The following CREB5 variants were observed in gnomAD, a reference collection of about 807,000 sequenced individuals.
CREB5 encodes cAMP responsive element binding protein 5.
A neutral mutation model predicts 57.1 loss-of-function variants in CREB5; 19 were observed. That is an observed-to-expected ratio of 0.33 (90% CI 0.23 to 0.49). The LOEUF (loss-of-function observed/expected upper bound fraction) is 0.49, where lower values mean the gene tolerates loss of function less well. Among genes scored for constraint, CREB5 ranks in the 20% least tolerant of loss-of-function variants. CREB5 has a pLI of 0.99. For synonymous variants in CREB5, 238 were observed against 238.3 expected, an observed-to-expected ratio of 1.00 and a Z score of 0.01; for missense variants, 579 against 671.6, an observed-to-expected ratio of 0.86 and a Z score of 1.52.
intron 7 of CREB5, among the ~76,000 whole-genome samples, chr7:28,798,831 A>G (rs909119350): frequency 5.9e-5 from 9 of 152,202 alleles, no homozygotes; most frequent in African/African-American, 1.9e-4. Context: ...GCTGAAAAAT[A>G]TATGTTTATT....
Position 28,560,909 on chromosome 7 carries a change from C to CGTGTGTGT in CREB5, c.292-9451_292-9450insTGTGTGTG, listed in dbSNP as rs1268332483. On this transcript the variant is annotated intron_variant, in intron 4 of 10. Coordinates refer to ENST00000357727, the MANE Select transcript of CREB5 (RefSeq NM_182898.4). Reference sequence around the variant, plus strand: ...GTGCGTGTGTGTGCGTGCGCGCGTGCGTGTGCGTGTGTGCGCGTGCGTGTG... The same window carrying CGTGTGTGT: ...GTGCGTGTGTGTGCGTGCGCGCGTGCGTGTGTGTGTGTGCGTGTGTGCGCGTGCGTGTG... Among the ~76,000 whole-genome samples, 50 of 32,688 alleles carry CGTGTGTGT rather than the reference C, an allele frequency of 1.5e-3. 3 individuals carry two copies. The highest frequency in any genetic ancestry group is 2.4e-3 in the Non-Finnish European group (42 of 17,720). The allele number at this position is 32,688 out of a possible 152,430, so 21.4% of individuals were successfully genotyped here. A position where few individuals can be genotyped will look rare whatever the true frequency, so the allele number is the denominator to read the frequency against.
chr7:28,305,319 T>C (rs914674332), intron 1 of CREB5, among the ~76,000 whole-genome samples: 1 of 152,184 alleles, frequency 6.6e-6, no homozygotes, highest in African/African-American at 2.4e-5. Context: ...GCTCTTTCCT[T>C]CTTTCTTTCT....
intron 7 of CREB5, among the ~76,000 whole-genome samples, chr7:28,754,950 G>C (rs1345969612): frequency 6.6e-6 from 1 of 152,160 alleles, no homozygotes; most frequent in Non-Finnish European, 1.5e-5. Flanking sequence ...TCACACCTGA[G>C]GCCTGAGCAT....
At position 28,464,710 on chromosome 7, in the gene CREB5, T is replaced by TAA. The variant is rs397743366; in HGVS notation, c.4-23452_4-23451dup. On this transcript the variant is annotated intron_variant, in intron 1 of 10. Coordinates refer to ENST00000357727, the MANE Select transcript of CREB5 (RefSeq NM_182898.4). ...ATCTACTTTTGTTTCAAGTTATTTT[T>TAA]AAAAAAAAAAAAAAGACTGCTAAAC... Among the ~76,000 whole-genome samples the TAA allele has an allele frequency of 3.5e-3, 509 of 146,322 alleles. 3 individuals carry two copies. Among genetic ancestry groups the TAA allele is most frequent in the African/African-American group, 0.012 (464 of 40,116 alleles).
At chr7:28,698,535 A>G (rs1426108829) in intron 5 of CREB5, among the ~76,000 whole-genome samples, 1 of 152,168 alleles carries the variant, frequency 6.6e-6, no homozygotes, top group Non-Finnish European at 1.5e-5. Context: ...AGTATTTGCT[A>G]TATTTTATTC....
chr7:28,733,862 A>T (rs1803810888), intron 7 of CREB5, among the ~76,000 whole-genome samples: 1 of 152,228 alleles, frequency 6.6e-6, no homozygotes, highest in Non-Finnish European at 1.5e-5. Context: ...TTAATATGTC[A>T]TCCCACACTG....
At chr7:28,586,581 G>A (rs1203274564) in intron 5 of CREB5, among the ~76,000 whole-genome samples, 2 of 152,108 alleles carry the variant, frequency 1.3e-5, no homozygotes, top group Non-Finnish European at 2.9e-5. Context: ...AATTATAAGG[G>A]CGAAGAAAAG....
At chr7:28,740,068 T>C (rs1804247491) in intron 7 of CREB5, among the ~76,000 whole-genome samples, 1 of 151,902 alleles carries the variant, frequency 6.6e-6, no homozygotes, top group South Asian at 2.1e-4. Flanking sequence ...AAAAAAGGAA[T>C]GGGGGTGGGG....
At chr7:28,560,083 C>CT (rs1795019760) in intron 4 of CREB5, among the ~76,000 whole-genome samples, 1 of 152,182 alleles carries the variant, frequency 6.6e-6, no homozygotes, top group South Asian at 2.1e-4. Flanking sequence ...AAGCTCTTTT[C>CT]AAACCATTGC....
chr7:28,361,889 T>C (rs1185829778), intron 1 of CREB5, among the ~76,000 whole-genome samples: 1 of 152,342 alleles, frequency 6.6e-6, no homozygotes, highest in Admixed American at 6.5e-5. Context: ...GAGCTTCTAA[T>C]TGTAATTTTC....
intron 5 of CREB5, among the ~76,000 whole-genome samples, chr7:28,579,080 T>C (rs1198062739): frequency 6.6e-6 from 1 of 152,220 alleles, no homozygotes; most frequent in Non-Finnish European, 1.5e-5. Flanking sequence ...GCATGAGCTC[T>C]AGACTTTGAA....
At chr7:28,427,241 G>T (rs958720318) in intron 1 of CREB5, among the ~76,000 whole-genome samples, 1 of 152,122 alleles carries the variant, frequency 6.6e-6, no homozygotes, top group Non-Finnish European at 1.5e-5. Flanking sequence ...TCAGAGCATA[G>T]ACATATTTTA....
chr7:28,597,645 G>T (rs1562519383), intron 5 of CREB5, among the ~76,000 whole-genome samples: 1 of 152,144 alleles, frequency 6.6e-6, no homozygotes. Context: ...ATTAATGATT[G>T]ATCCTCTTTG....
chr7:28,339,739 G>T (rs1785896725), intron 1 of CREB5, among the ~76,000 whole-genome samples: 1 of 152,204 alleles, frequency 6.6e-6, no homozygotes, highest in East Asian at 1.9e-4. Flanking sequence ...GTTTCTCCTG[G>T]CCCCAGGCTG....
chr7:28,356,510 A>C (rs1314472017), intron 1 of CREB5, among the ~76,000 whole-genome samples: 6 of 152,186 alleles, frequency 3.9e-5, no homozygotes, highest in Non-Finnish European at 8.8e-5. Context: ...ACAGATATAA[A>C]CCCACGGGCA....
At chr7:28,520,924 A>AT (rs1233635860) in intron 4 of CREB5, among the ~76,000 whole-genome samples, 13 of 152,190 alleles carry the variant, frequency 8.5e-5, no homozygotes, top group African/African-American at 1.2e-4. Flanking sequence ...CCATATGCTG[A>AT]TTTTTTTGCA....
At chr7:28,495,524 A>C (rs1270642941) in intron 3 of CREB5, among the ~76,000 whole-genome samples, 1 of 138,638 alleles carries the variant, frequency 7.2e-6, no homozygotes, top group Non-Finnish European at 1.5e-5. Context: ...CCTGGGTGAC[A>C]GCAAAACTCC....
Position 28,819,162 on chromosome 7 carries a change from G to C in CREB5, c.1410G>C (p.Gln470His). Residue 470 changes from glutamine to histidine, a missense_variant, in exon 11 of 11, where the codon CAG (glutamine) becomes CAC (histidine). By Grantham distance (24) the Gln-to-His change is conservative (BLOSUM62 0). Around this residue, in one of 3 missense-constraint regions of CREB5, gnomAD observed 114 missense variants for 130.8 expected, o/e 0.87. Transcript: ENST00000357727. ...CTAGTCCTGTCCCAGCTTGCTCCCA[G>C]CAACAAGTCATCCAGCATAATACCA... ...PPASPVPACS[Q>H]QQVIQHNTIT... The C allele has an allele frequency of 1.9e-6, 3 of 1,613,716 alleles. No individual in the cohort carries two copies. Among genetic ancestry groups the C allele is most frequent in the Non-Finnish European group, 2.5e-6 (3 of 1,179,808 alleles).
intron 7 of CREB5, among the ~76,000 whole-genome samples, chr7:28,752,457 G>A (rs998631969): frequency 4.6e-5 from 7 of 152,168 alleles, no homozygotes; most frequent in South Asian, 4.1e-4. Flanking sequence ...ATGAGCCATC[G>A]TGCTCAGCCT....
Sources: allele counts gnomAD v4.1 joint callset (sites outside exome capture counted in the v4.1 genomes callset), GRCh38; gene constraint gnomAD v4.1.1; regional missense constraint gnomAD v4.1.1; transcripts MANE v1.5; gene names NCBI Gene and HGNC (gene_info 2026-07-23, HGNC 2026-07-21).